Variants in PLXNB1 observed in about 807,000 individuals in gnomAD.
The protein encoded by PLXNB1 is plexin-B1.
Under a neutral mutation model 209.4 loss-of-function variants are expected in PLXNB1, and 106 were observed. The ratio of observed to expected loss-of-function variants is 0.51; its 90% CI spans 0.43 to 0.59. PLXNB1 has a LOEUF of 0.59. Ranked by LOEUF, PLXNB1 falls within the 20% of genes least tolerant of loss-of-function variation. The pLI is 0.00. For missense variants in PLXNB1, 2,357 were observed against 2,853.2 expected (o/e 0.83, Z 3.96); for synonymous variants, 1,167 against 1,183.2 (o/e 0.99, Z 0.28).
In PLXNB1 at chr3:48,414,830, C is replaced by A. The variant is rs778052248; in HGVS notation, c.4178G>T (p.Arg1393Leu). ...LNPEDPTMPF[R>L]HKPGSVFSVE... ...GGAGAACACACTCCCAGGCTTGTGC[C>A]GGAATGGCATGGTGGGGTCCTCAGG... The change falls in exon 21 of 38, where the codon CGG becomes CTG. Residue 1393 changes from arginine (R) to leucine (L), a missense_variant. Physicochemically the swap from Arg to Leu is moderately radical, Grantham distance 102 (BLOSUM62 -2). Around this residue, in one of 7 missense-constraint regions of PLXNB1, gnomAD observed 743 missense variants for 896.2 expected, o/e 0.83. Transcript: ENST00000296440. 6.2e-7 allele frequency: 1 copy of A among 1,614,032 alleles called. No homozygotes were observed. The highest frequency in any genetic ancestry group is 1.1e-5 in the South Asian group (1 of 91,086).
chr3:48,414,487 G>T (rs1259119099), intron 21 of PLXNB1, among the ~76,000 whole-genome samples: 2 of 152,206 alleles, frequency 1.3e-5, no homozygotes, highest in Non-Finnish European at 2.9e-5. Context: ...TGCCAACGGG[G>T]GTCAGCCCGA....
In PLXNB1 at chr3:48,415,276, A is replaced by G. The variant is rs777336486; in HGVS notation, c.3866T>C (p.Val1289Ala). ...VVQTPRIRVTVVSRMLQPSQG... is the reference protein window; with the variant it reads ...VVQTPRIRVTAVSRMLQPSQG... ...GCTGGGCTGCAGCATTCTCGAGACCACGGTCACCCGGATTCTTGGCGTCTG... is the reference window on the plus strand; with the variant it reads ...GCTGGGCTGCAGCATTCTCGAGACCGCGGTCACCCGGATTCTTGGCGTCTG... The change falls in exon 20 of 38, where the codon GTG becomes GCG. Residue 1289 changes from valine (V) to alanine (A), a missense_variant. This residue lies in a region of PLXNB1 where 743 missense variants were observed against 896.2 expected (regional missense o/e 0.83). Transcript: ENST00000296440. The surrounding 1 kb of genome is among the most constrained non-coding windows in gnomAD (Gnocchi z 5.0). 5.6e-6 allele frequency: 9 copies of G among 1,613,430 alleles called. No homozygotes were observed. The Admixed American group carries it at 1.5e-4, about 27-fold the overall frequency.
rs1553798398 is a variant in PLXNB1, at chr3:48,411,364, TC to T, written c.5248-329del. ...TGACGGAGTTTCGGGAAGCCTGCATTCCCACCATCGGGAGCAAATATTCCCA... is the reference window on the plus strand; with the variant it reads ...TGACGGAGTTTCGGGAAGCCTGCATTCCACCATCGGGAGCAAATATTCCCA... On this transcript the variant is annotated intron_variant, in intron 28 of 37. Coordinates refer to ENST00000296440, the MANE Select transcript of PLXNB1 (RefSeq NM_001130082.3). This position sits in a 1 kb window ranked among gnomAD's most constrained non-coding sequence, Gnocchi z 4.0. Among the ~76,000 whole-genome samples the T allele has an allele frequency of 3.9e-5, 6 of 152,168 alleles. No individual in the cohort carries two copies. The highest frequency in any genetic ancestry group is 1.5e-5 in the Non-Finnish European group (1 of 68,040).
chr3:48,425,722 C>A (rs2038851130), intron 1 of PLXNB1, among the ~76,000 whole-genome samples: 1 of 152,122 alleles, frequency 6.6e-6, no homozygotes, highest in South Asian at 2.1e-4. Context: ...TGTCCCAGCC[C>A]AAAGGGCCAC....
In PLXNB1 at chr3:48,416,195, G is replaced by C; in HGVS notation, c.3481-28C>G. The stretch of plus-strand genomic sequence containing the variant: ...GTGGGACAGACAGGGAGAGAGATGA[G>C]CATCAGACCAGACACATGGAGGCAG... On this transcript the variant is annotated intron_variant, in intron 17 of 37. Transcript: ENST00000296440. This position sits in a 1 kb window ranked among gnomAD's most constrained non-coding sequence, Gnocchi z 4.1. 6.3e-7 allele frequency: 1 copy of C among 1,588,590 alleles called. No homozygotes were observed. The highest frequency in any genetic ancestry group is 2.3e-5 in the East Asian group (1 of 43,390).
At position 48,406,909 on chromosome 3, in the gene PLXNB1, G is replaced by A. The variant is rs2037346128; in HGVS notation, c.6153-11C>T. 6.2e-7 allele frequency: 1 copy of A among 1,612,970 alleles called. No individual in the cohort carries two copies. The highest frequency in any genetic ancestry group is 1.3e-5 in the African/African-American group (1 of 74,868). On this transcript the variant is annotated splice_polypyrimidine_tract_variant and intron_variant, in intron 35 of 37. Transcript: ENST00000296440. This position sits in a 1 kb window ranked among gnomAD's most constrained non-coding sequence, Gnocchi z 4.4. ...ATGTCTGCATAGTACCTGCCAGAGA[G>A]CCAGGGCACAGCAGCTGCTGGGTAA...
At chr3:48,427,446 A>G (rs2038952987) in intron 1 of PLXNB1, among the ~76,000 whole-genome samples, 1 of 151,994 alleles carries the variant, frequency 6.6e-6, no homozygotes, top group Admixed American at 6.6e-5. Flanking sequence ...ATTTCACTTA[A>G]TCTCTGCCAC....
chr3:48,422,464 G>T lies in PLXNB1; in HGVS notation c.1291-5C>A. 6.3e-7 allele frequency: 1 copy of T among 1,578,456 alleles called. No individual in the cohort carries two copies. The highest frequency in any genetic ancestry group is 1.8e-5 in the Admixed American group (1 of 55,582). ...GCTCCCTGGGCCCAAGTAGACCTGG[G>T]ATCAGAGACCACAGGGTCTGGGACC... On this transcript the variant is annotated splice_region_variant and splice_polypyrimidine_tract_variant and intron_variant, in intron 4 of 37. Transcript: ENST00000296440.
Position 48,419,117 on chromosome 3 carries a change from C to G in PLXNB1, c.2833-78G>C, listed in dbSNP as rs1237141926. On this transcript the variant is annotated intron_variant, in intron 12 of 37. Coordinates refer to ENST00000296440, the MANE Select transcript of PLXNB1 (RefSeq NM_001130082.3). This position sits in a 1 kb window ranked among gnomAD's most constrained non-coding sequence, Gnocchi z 5.7. ...GTCCTGCAGGTCACCCAACAGATCC[C>G]CCAGCACAGCTTCTGGGTTGGAGTT... The G allele has an allele frequency of 4.2e-5, 67 of 1,586,578 alleles. No individual in the cohort carries two copies. In the South Asian group the frequency reaches 5.6e-4, roughly 13 times the overall value.
chr3:48,412,636 A>T lies in PLXNB1; in HGVS notation c.4855-16T>A. The T allele has an allele frequency of 2.5e-6, 4 of 1,612,518 alleles. No individual in the cohort carries two copies. The highest frequency in any genetic ancestry group is 3.4e-6 in the Non-Finnish European group (4 of 1,179,272). ...TGTGGATGAACTGCAGCCAAAGAGA[A>T]GGGATGGGAAAAGGGGTTTAGGGGG... On this transcript the variant is annotated splice_polypyrimidine_tract_variant and intron_variant, in intron 25 of 37. Transcript: ENST00000296440.
Position 48,416,515 on chromosome 3 carries a change from C to A in PLXNB1, c.3375-64G>T. ...TCAAGGGCCCCTCAAGCTTACCTGG[C>A]AGCCCCTCTCCCTGCCCTACTGTCA... On this transcript the variant is annotated intron_variant, in intron 16 of 37. Coordinates refer to ENST00000296440, the MANE Select transcript of PLXNB1 (RefSeq NM_001130082.3). This position sits in a 1 kb window ranked among gnomAD's most constrained non-coding sequence, Gnocchi z 4.1. 9.2e-7 allele frequency: 1 copy of A among 1,091,926 alleles called. No individual in the cohort carries two copies. Among genetic ancestry groups the A allele is most frequent in the Non-Finnish European group, 1.4e-6 (1 of 735,554 alleles). 67.6% of individuals were successfully genotyped at this position (1,091,926 alleles called of 1,614,324 possible).
rs2037228927 is a variant in PLXNB1, at chr3:48,405,025, C to T, written c.6304-435G>A. On this transcript the variant is annotated intron_variant, in intron 37 of 37. Transcript: ENST00000296440. The surrounding 1 kb of genome is among the most constrained non-coding windows in gnomAD (Gnocchi z 5.0). Reference sequence around the variant, plus strand: ...CTGCCACCAAGGGAACCGGTAGGAACCGGAGGGCAGCAGCACTTGGGAAAA... The same window carrying T: ...CTGCCACCAAGGGAACCGGTAGGAATCGGAGGGCAGCAGCACTTGGGAAAA... Among the ~76,000 whole-genome samples, 1 of 152,180 alleles carries T rather than the reference C, an allele frequency of 6.6e-6. No individual in the cohort carries two copies. The highest frequency in any genetic ancestry group is 1.5e-5 in the Non-Finnish European group (1 of 68,024).
Position 48,424,211 on chromosome 3 carries a change from G to A in PLXNB1, c.401C>T (p.Pro134Leu), listed in dbSNP as rs775854496. Reference protein sequence around the residue: ...LGQLEQLLLRPERPGDTQYVA... With the variant: ...LGQLEQLLLRLERPGDTQYVA... ...ATATTGTGTGTCCCCAGGCCGCTCT[G>A]GCCGCAGCAGCAGCTGCTCGAGCTG... Residue 134 changes from proline to leucine, a missense_variant, in exon 3 of 38, where the codon CCA becomes CTA. By Grantham distance (98) the Pro-to-Leu change is moderately conservative. Transcript: ENST00000296440. 6.3e-7 allele frequency: 1 copy of A among 1,599,868 alleles called. No individual in the cohort carries two copies. The highest frequency in any genetic ancestry group is 8.5e-7 in the Non-Finnish European group (1 of 1,171,908).
chr3:48,409,826 C>T lies in PLXNB1; in HGVS notation c.5778+79G>A, dbSNP rs2037548462. The T allele has an allele frequency of 6.3e-7, 1 of 1,576,146 alleles. No individual in the cohort carries two copies. Among genetic ancestry groups the T allele is most frequent in the African/African-American group, 1.3e-5 (1 of 74,174 alleles). The stretch of plus-strand genomic sequence containing the variant: ...CCCCCGGCACTGTGCCTGCACGAGC[C>T]CCACACCACCCCCAAATCCCACGAG... On this transcript the variant is annotated intron_variant, in intron 32 of 37. Transcript: ENST00000296440. This position sits in a 1 kb window ranked among gnomAD's most constrained non-coding sequence, Gnocchi z 5.8.
Position 48,409,986 on chromosome 3 carries a change from C to T in PLXNB1, c.5697G>A (p.Arg1899=), listed in dbSNP as rs2106764397. The T allele has an allele frequency of 6.2e-7, 1 of 1,612,838 alleles. No individual in the cohort carries two copies. The highest frequency in any genetic ancestry group is 2.2e-5 in the East Asian group (1 of 44,860). The part of the protein sequence containing the change: ...PSDEPEPPRP[R]RGSLRGGERE... ...GCTCCCCGCCCCGAAGGCTGCCCCTCCGAGGCCTGGGCGGCTCCGGCTCAT... is the reference window on the plus strand; with the variant it reads ...GCTCCCCGCCCCGAAGGCTGCCCCTTCGAGGCCTGGGCGGCTCCGGCTCAT... Residue 1899 remains arginine (R), a synonymous_variant, in exon 32 of 38, where the codon CGG becomes CGA. Coordinates refer to ENST00000296440, the MANE Select transcript of PLXNB1 (RefSeq NM_001130082.3). This position sits in a 1 kb window ranked among gnomAD's most constrained non-coding sequence, Gnocchi z 5.8.
At chr3:48,421,473 C>T in intron 7 of PLXNB1, 89 bp from the exon 8 acceptor site, 1 of 1,373,100 alleles carries the variant, frequency 7.3e-7, no homozygotes, top group Non-Finnish European at 9.9e-7. Context: ...GGGCAGGCAC[C>T]AGCAATCAAC....
At chr3:48,412,213 G>T (rs2037731391) in intron 27 of PLXNB1, 25 bp downstream of exon 27, 1 of 1,603,824 alleles carries the variant, frequency 6.2e-7, no homozygotes, top group South Asian at 1.1e-5. Flanking sequence ...CTGGACAGGA[G>T]CCCTGTCCAC....
At position 48,417,845 on chromosome 3, in the gene PLXNB1, A is replaced by G; in HGVS notation, c.3374+66T>C. 6.6e-7 allele frequency: 1 copy of G among 1,519,214 alleles called. No homozygotes were observed. The highest frequency in any genetic ancestry group is 9.0e-7 in the Non-Finnish European group (1 of 1,117,310). The allele number at this position is 1,519,214 out of a possible 1,614,324, so 94.1% of individuals were successfully genotyped here. A position where few individuals can be genotyped will look rare whatever the true frequency, so the allele number is the denominator to read the frequency against. ...AGATGAGCGGTGGGTGGGAGGCCCC[A>G]AGCAGCAACGCCAACCGCGGAGGCC... is the stretch of plus-strand genomic sequence containing the variant. On this transcript the variant is annotated intron_variant, in intron 16 of 37. Transcript: ENST00000296440. This position sits in a 1 kb window ranked among gnomAD's most constrained non-coding sequence, Gnocchi z 4.4.
chr3:48,414,638 C>T (rs563996209), intron 21 of PLXNB1, among the ~76,000 whole-genome samples, 161 bp downstream of exon 21: 2 of 152,188 alleles, frequency 1.3e-5, no homozygotes, highest in Non-Finnish European at 2.9e-5. Flanking sequence ...AGGCTAGGCA[C>T]CCCCCACCAG....
Sources: gnomAD v4.1 joint callset for allele counts (sites outside exome capture counted in the v4.1 genomes callset) on GRCh38, gnomAD v4.1.1 for gene constraint, gnomAD v4.1.1 regional missense constraint, Gnocchi (gnomAD v3.1) non-coding constraint, MANE v1.5 for transcripts, NCBI Gene and HGNC (gene_info 2026-07-23, HGNC 2026-07-21) for gene names.